Variants in VWA8 observed in about 807,000 individuals in gnomAD.
The protein encoded by VWA8 is von Willebrand factor A domain containing 8, also known as von Willebrand factor A domain-containing protein 8.
Under a neutral mutation model 241.5 loss-of-function variants are expected in VWA8, and 221 were observed. The observed-to-expected ratio is 0.91, with a 90% CI of 0.82 to 1.02. The LOEUF is 1.02. Among genes scored for constraint, VWA8 ranks in the 50% least tolerant of loss-of-function variants. VWA8 has a pLI of 0.00. For missense variants in VWA8, 2,322 were observed against 2,328.7 expected, an observed-to-expected ratio of 1.00 and a Z score of 0.06; for synonymous variants, 852 against 827.1, an observed-to-expected ratio of 1.03 and a Z score of -0.52.
intron 43 of VWA8, among the ~76,000 whole-genome samples, chr13:41,573,457 A>G (rs554830937): frequency 7.2e-6 from 1 of 139,142 alleles, no homozygotes; most frequent in African/African-American, 2.8e-5. Flanking sequence ...AGCTAGCACA[A>G]CAGGGTGGCT....
intron 37 of VWA8, among the ~76,000 whole-genome samples, chr13:41,649,051 G>GC (rs1165435739): frequency 1.3e-5 from 2 of 152,054 alleles, no homozygotes; most frequent in African/African-American, 4.8e-5. Context: ...GGGCGTGGTG[G>GC]GGGGGTGCCT....
chr13:41,669,423 CACAA>C (rs761488023), intron 37 of VWA8, among the ~76,000 whole-genome samples: 1 of 152,098 alleles, frequency 6.6e-6, no homozygotes, highest in African/African-American at 2.4e-5. Context: ...GGAGTGTGAG[CACAA>C]ACAAACATAT....
At chr13:41,631,598 T>C (rs1199411895) in intron 37 of VWA8, among the ~76,000 whole-genome samples, 2 of 152,192 alleles carry the variant, frequency 1.3e-5, no homozygotes, top group African/African-American at 2.4e-5. Flanking sequence ...CCAAAGCAAC[T>C]GCTCATTTTA....
At chr13:41,624,110 A>G (rs1462448409) in intron 37 of VWA8, among the ~76,000 whole-genome samples, 2 of 152,198 alleles carry the variant, frequency 1.3e-5, no homozygotes, top group Non-Finnish European at 2.9e-5. Context: ...CAACCTCACA[A>G]GATTGAACCA....
In VWA8 at chr13:41,885,865, C is replaced by T; in HGVS notation, c.975+55G>A. ...GAAGTCATTAATCCCTAATGATTAACTTTCAAAATTTTTAACATATTTGGG... is the reference window on the plus strand; with the variant it reads ...GAAGTCATTAATCCCTAATGATTAATTTTCAAAATTTTTAACATATTTGGG... On this transcript the variant is annotated intron_variant, in intron 8 of 44. Transcript: ENST00000379310. 4.6e-6 allele frequency: 6 copies of T among 1,306,524 alleles called. No individual in the cohort carries two copies. In the South Asian group the frequency reaches 6.9e-5, roughly 15 times the overall value. 80.9% of individuals were successfully genotyped at this position (1,306,524 alleles called of 1,614,324 possible). A position where few individuals can be genotyped will look rare whatever the true frequency, so the allele number is the denominator to read the frequency against.
chr13:41,770,406 A>G (rs1252638854), intron 20 of VWA8, among the ~76,000 whole-genome samples: 1 of 151,014 alleles, frequency 6.6e-6, no homozygotes, highest in African/African-American at 2.4e-5. Context: ...GCGCCACTGC[A>G]CTACAGCCTG....
At chr13:41,571,261 T>C (rs2139630357) in intron 43 of VWA8, among the ~76,000 whole-genome samples, 1 of 144,750 alleles carries the variant, frequency 6.9e-6, no homozygotes, top group South Asian at 2.3e-4. Context: ...ATTGTATATC[T>C]AGAAAACCCT....
At chr13:41,946,253 C>G (rs1877844956) in intron 2 of VWA8, among the ~76,000 whole-genome samples, 1 of 151,658 alleles carries the variant, frequency 6.6e-6, no homozygotes, top group South Asian at 2.1e-4. Flanking sequence ...GCAAACCTGC[C>G]ATCTAGAAGA....
rs575390433 is a variant in VWA8, at chr13:41,670,845, T to G, written c.4611+101A>C. 27 of 1,358,732 alleles carry G rather than the reference T, an allele frequency of 2.0e-5. No individual in the cohort carries two copies. In the African/African-American group the frequency reaches 3.5e-4, roughly 17 times the overall value. The allele number at this position is 1,358,732 out of a possible 1,614,324, so 84.2% of individuals were successfully genotyped here. A position where few individuals can be genotyped will look rare whatever the true frequency, so the allele number is the denominator to read the frequency against. On this transcript the variant is annotated intron_variant, in intron 37 of 44. Coordinates refer to ENST00000379310, the MANE Select transcript of VWA8 (RefSeq NM_015058.2). ...TTCTTTTAGTTCTTTAAGCAACTAT[T>G]TTTGAGTCACTGGCCCAGAAATTTT... is the stretch of plus-strand genomic sequence containing the variant.
chr13:41,713,957 A>AG (rs1426261109), intron 26 of VWA8, among the ~76,000 whole-genome samples: 3 of 152,044 alleles, frequency 2.0e-5, no homozygotes, highest in African/African-American at 7.2e-5. Context: ...CTCTTCTATT[A>AG]TGTCAAAAAG....
intron 35 of VWA8, among the ~76,000 whole-genome samples, chr13:41,677,317 T>G (rs1326870080): frequency 6.6e-6 from 1 of 152,200 alleles, no homozygotes; most frequent in Non-Finnish European, 1.5e-5. Context: ...CTACACTGAT[T>G]TCTATTCCAC....
chr13:41,580,497 G>C (rs1265868740), intron 42 of VWA8, among the ~76,000 whole-genome samples: 1 of 152,138 alleles, frequency 6.6e-6, no homozygotes, highest in Admixed American at 6.6e-5. Flanking sequence ...TGAGTCATAT[G>C]TTTCCACTTT....
intron 2 of VWA8, among the ~76,000 whole-genome samples, chr13:41,947,959 C>CA (rs71214139): frequency 1.2e-5 from 1 of 80,300 alleles, no homozygotes; most frequent in East Asian, 3.8e-4. Context: ...AAAAACAAAA[C>CA]AAAACATTTT....
intron 17 of VWA8, among the ~76,000 whole-genome samples, chr13:41,807,017 G>C (rs1161764282): frequency 6.6e-6 from 1 of 152,114 alleles, no homozygotes. Context: ...CGTTAGAACT[G>C]TTACCACAGA....
In VWA8 at chr13:41,626,138, C is replaced by T. The variant is rs372279940; in HGVS notation, c.4612-11054G>A. The stretch of plus-strand genomic sequence containing the variant: ...AGGAGATATACCTAATGCTAAATGA[C>T]GAGTTAATGGGTGCAGCACACCAAC... On this transcript the variant is annotated intron_variant, in intron 37 of 44. Transcript: ENST00000379310. Among the ~76,000 whole-genome samples the T allele has an allele frequency of 5.3e-4, 80 of 150,204 alleles. No individual in the cohort carries two copies. The East Asian group carries it at 6.5e-3, about 12-fold the overall frequency.
chr13:41,571,208 AG>A (rs2044299102), intron 43 of VWA8, among the ~76,000 whole-genome samples: 1 of 151,986 alleles, frequency 6.6e-6, no homozygotes, highest in African/African-American at 2.4e-5. Flanking sequence ...AATTGGGGAC[AG>A]GGAGCACTCT....
At chr13:41,610,827 T>C (rs1342097541) in intron 39 of VWA8, among the ~76,000 whole-genome samples, 1 of 152,210 alleles carries the variant, frequency 6.6e-6, no homozygotes, top group African/African-American at 2.4e-5. Flanking sequence ...GGTAACATCA[T>C]GTGGATTCTT....
chr13:41,835,919 G>C (rs1593804936), intron 12 of VWA8, among the ~76,000 whole-genome samples: 1 of 152,108 alleles, frequency 6.6e-6, no homozygotes, highest in East Asian at 1.9e-4. Flanking sequence ...AGAAAACACA[G>C]TTTAGCGCAG....
intron 37 of VWA8, among the ~76,000 whole-genome samples, chr13:41,663,370 T>C (rs183346303): frequency 3.7e-4 from 56 of 152,264 alleles, no homozygotes; most frequent in African/African-American, 1.3e-3. Flanking sequence ...TTGTTATTAT[T>C]TTGAAGTAAT....
Sources: allele counts gnomAD v4.1 joint callset (sites outside exome capture counted in the v4.1 genomes callset), GRCh38; gene constraint gnomAD v4.1.1; transcripts MANE v1.5; gene names NCBI Gene and HGNC (gene_info 2026-07-23, HGNC 2026-07-21).